PPFIBP1: variants seen among roughly 807,000 people sequenced by gnomAD.
PPFIBP1 encodes the protein liprin-beta-1.
In PPFIBP1, 112 loss-of-function variants were observed where a neutral mutation model predicts 137.8. That is an observed-to-expected ratio of 0.81 (90% confidence interval 0.70 to 0.95). The LOEUF (loss-of-function observed/expected upper bound fraction) is 0.95. Ranked by LOEUF, PPFIBP1 falls within the 40% of genes least tolerant of loss-of-function variation. The pLI is 0.00. For synonymous variants in PPFIBP1, 378 were observed against 417.3 expected (o/e 0.91, Z 1.15); for missense variants, 1,083 against 1,196.6 (o/e 0.91, Z 1.40).
At chr12:27,645,053 T>C (rs1454047302) in intron 4 of PPFIBP1, among the ~76,000 whole-genome samples, 1 of 152,242 alleles carries the variant, frequency 6.6e-6, no homozygotes, top group Non-Finnish European at 1.5e-5. Context: ...AGATGTGTCC[T>C]GGGCAGTAAA....
chr12:27,555,719 C>G (rs759934809), intron 1 of PPFIBP1, among the ~76,000 whole-genome samples: 3 of 152,168 alleles, frequency 2.0e-5, no homozygotes, highest in Non-Finnish European at 4.4e-5. Flanking sequence ...TTAACAAGCT[C>G]ATCTTTTCAT....
chr12:27,570,117 T>C (rs1396601375), intron 1 of PPFIBP1, among the ~76,000 whole-genome samples: 1 of 152,250 alleles, frequency 6.6e-6, no homozygotes, highest in African/African-American at 2.4e-5. Flanking sequence ...CATGGCTGTT[T>C]AATATGCATT....
chr12:27,568,393 A>G (rs1227270618), intron 1 of PPFIBP1, among the ~76,000 whole-genome samples: 1 of 152,204 alleles, frequency 6.6e-6, no homozygotes, highest in African/African-American at 2.4e-5. Context: ...CTTAAGTGAT[A>G]TATTAAGCTT....
rs1176051777 is a variant in PPFIBP1 at position 27,526,314 on chromosome 12, G to A, written c.-124+1949G>A. Reference sequence around the variant, plus strand: ...GAAACTAGTCCTAGTTTAGGGACTTGAATATACCAAAACTCTAAATTTGAT... The same window carrying A: ...GAAACTAGTCCTAGTTTAGGGACTTAAATATACCAAAACTCTAAATTTGAT... On this transcript the variant is annotated intron_variant, in intron 1 of 29. Coordinates refer to ENST00000228425, the MANE Select transcript of PPFIBP1 (RefSeq NM_003622.4). Among the ~76,000 whole-genome samples the A allele has an allele frequency of 2.6e-5, 4 of 152,118 alleles. No individual in the cohort carries two copies. The East Asian group carries it at 7.7e-4, about 29-fold the overall frequency.
intron 11 of PPFIBP1, among the ~76,000 whole-genome samples, chr12:27,662,191 G>A (rs2059595134): frequency 6.6e-6 from 1 of 152,138 alleles, no homozygotes; most frequent in Non-Finnish European, 1.5e-5. Context: ...GAAAATAAAG[G>A]CTTCTTAGGC....
chr12:27,620,589 C>T lies in PPFIBP1; in HGVS notation c.-35-12773C>T, dbSNP rs572134774. 2.3e-4 allele frequency among the ~76,000 whole-genome samples: 35 copies of T among 152,268 alleles called. No individual in the cohort carries two copies. The South Asian group carries it at 6.2e-3, about 27-fold the overall frequency. On this transcript the variant is annotated intron_variant, in intron 2 of 29. Coordinates refer to ENST00000228425, the MANE Select transcript of PPFIBP1 (RefSeq NM_003622.4). The stretch of plus-strand genomic sequence containing the variant: ...TCCCTTTCTGCACAAAGAGCTGGCA[C>T]GGTATATAATTAAGAGGATGCGCTC...
chr12:27,647,036 C>G (rs71452060), intron 5 of PPFIBP1, among the ~76,000 whole-genome samples: 1 of 152,226 alleles, frequency 6.6e-6, no homozygotes, highest in African/African-American at 2.4e-5. Context: ...GAGTCTCGCT[C>G]TGTTGCCGAG....
At position 27,594,108 on chromosome 12, in the gene PPFIBP1, A is replaced by C. The variant is rs551016618; in HGVS notation, c.-36+15869A>C. On this transcript the variant is annotated intron_variant, in intron 2 of 29. Transcript: ENST00000228425. ...AAAAAGAAAAGAAGAAAAAAGAAAA[A>C]GTAGGTGGGACCGGGGAGAAGAGAA... 18 of 969,690 alleles carry C rather than the reference A, an allele frequency of 1.9e-5. 1 individual carries two copies. In the South Asian group the frequency reaches 6.1e-4, roughly 33 times the overall value. 60.1% of individuals were successfully genotyped at this position (969,690 alleles called of 1,614,324 possible).
chr12:27,555,622 C>G (rs2048645079), intron 1 of PPFIBP1, among the ~76,000 whole-genome samples: 1 of 152,196 alleles, frequency 6.6e-6, no homozygotes, highest in African/African-American at 2.4e-5. Context: ...TGACCCAACT[C>G]TTCCCCTTTT....
rs2059564798 is a variant in PPFIBP1 at position 27,661,715 on chromosome 12, A to AG, written c.906+770_906+771insG. ...AAGAGTCATTTCAAGGAAGTAAAAA[A>AG]CAACAAAAAGTCAAAGAACTTTAGC... On this transcript the variant is annotated intron_variant, in intron 11 of 29. Transcript: ENST00000228425. Among the ~76,000 whole-genome samples, 9 of 152,334 alleles carry AG rather than the reference A, an allele frequency of 5.9e-5. No individual in the cohort carries two copies. In the South Asian group the frequency reaches 1.9e-3, roughly 32 times the overall value.
At chr12:27,674,092 G>A (rs2060359226) in intron 16 of PPFIBP1, 100 bp from the exon 17 acceptor site, 1 of 948,076 alleles carries the variant, frequency 1.1e-6, no homozygotes, top group Non-Finnish European at 1.6e-6. Flanking sequence ...CTTAGAAGTA[G>A]ATATAAAATT....
At chr12:27,648,003 C>T (rs1306669474) in intron 6 of PPFIBP1, 161 bp downstream of exon 6, 63 of 794,146 alleles carry the variant, frequency 7.9e-5, no homozygotes, top group Non-Finnish European at 1.1e-4. Context: ...TCTCAAAACA[C>T]ATGCACACAA....
At chr12:27,536,759 T>A (rs936951993) in intron 1 of PPFIBP1, among the ~76,000 whole-genome samples, 1 of 152,130 alleles carries the variant, frequency 6.6e-6, no homozygotes, top group African/African-American at 2.4e-5. Flanking sequence ...AAATTCAAAA[T>A]TATTATCATT....
rs755558835 is a variant in PPFIBP1, at chr12:27,671,450, A to T, written c.1166A>T (p.Gln389Leu). 1.9e-6 allele frequency: 3 copies of T among 1,591,038 alleles called. No individual in the cohort carries two copies. The South Asian group carries it at 3.5e-5, about 18-fold the overall frequency. ...TTACAGTTCCATACTACCATCTTGC[A>T]AGTTTCCATCCCTTCATTATTGCCA... ...VPEEFHTTIL[Q>L]VSIPSLLPAT... is the part of the protein sequence containing the mutation. Residue 389 changes from glutamine to leucine, a missense_variant, in exon 14 of 30, where the codon CAA becomes CTA. Transcript: ENST00000228425.
At chr12:27,668,337 C>T (rs2059985384) in intron 13 of PPFIBP1, among the ~76,000 whole-genome samples, 1 of 152,166 alleles carries the variant, frequency 6.6e-6, no homozygotes. Flanking sequence ...CCTCCACACA[C>T]CCATACGATG....
At chr12:27,527,225 C>A (rs1198988949) in intron 1 of PPFIBP1, among the ~76,000 whole-genome samples, 1 of 152,030 alleles carries the variant, frequency 6.6e-6, no homozygotes, top group East Asian at 1.9e-4. Context: ...TGAAAGAAGA[C>A]CTCATTCAGC....
chr12:27,613,378 T>C (rs551219600), intron 2 of PPFIBP1, among the ~76,000 whole-genome samples: 1 of 152,302 alleles, frequency 6.6e-6, no homozygotes, highest in East Asian at 1.9e-4. Context: ...GTAGATATGC[T>C]ATCAGAGCTT....
At chr12:27,541,058 G>A (rs990495303) in intron 1 of PPFIBP1, among the ~76,000 whole-genome samples, 1 of 152,066 alleles carries the variant, frequency 6.6e-6, no homozygotes. Flanking sequence ...TTGCACTTGC[G>A]GTTCTCCAAC....
At chr12:27,649,899 C>A in intron 6 of PPFIBP1, 111 bp from the exon 7 acceptor site, 1 of 980,838 alleles carries the variant, frequency 1.0e-6, no homozygotes, top group Non-Finnish European at 1.5e-6. Context: ...AATTATACTT[C>A]ACTATATCCT....
Sources: allele counts gnomAD v4.1 joint callset (sites outside exome capture counted in the v4.1 genomes callset), GRCh38; gene constraint gnomAD v4.1.1; transcripts MANE v1.5; gene names NCBI Gene and HGNC (gene_info 2026-07-23, HGNC 2026-07-21).